Variants in PRKAA2 observed in about 807,000 individuals in gnomAD.
The protein encoded by PRKAA2 is protein kinase AMP-activated catalytic subunit alpha 2.
PRKAA2 carries 40 observed loss-of-function variants against 56.3 expected under a neutral mutation model. That is an observed-to-expected ratio of 0.71 (90% CI 0.55 to 0.92). The LOEUF is 0.92. Among genes scored for constraint, PRKAA2 ranks in the 40% least tolerant of loss-of-function variants. PRKAA2 has a pLI of 0.00. For synonymous variants in PRKAA2, 214 were observed against 234.2 expected (o/e 0.91, Z 0.79); for missense variants, 542 against 686.9 (o/e 0.79, Z 2.36).
Position 56,710,424 on chromosome 1 carries a change from A to G in PRKAA2, c.*2711A>G, listed in dbSNP as rs1045422932. The G allele has an allele frequency of 6.6e-6, 1 of 152,150 alleles. No individual in the cohort carries two copies. The highest frequency in any genetic ancestry group is 1.5e-5 in the Non-Finnish European group (1 of 67,990). 9.4% of individuals were successfully genotyped at this position (152,150 alleles called of 1,614,324 possible). A position where few individuals can be genotyped will look rare whatever the true frequency, so the allele number is the denominator to read the frequency against. On this transcript the variant is annotated 3_prime_UTR_variant, in exon 9 of 9. Transcript: ENST00000371244. ...CTTTCTGTGAAAAAAAGAAAGCCAC[A>G]TAACTTTGTTGAACTTTGCCCAAAT...
intron 1 of PRKAA2, among the ~76,000 whole-genome samples, chr1:56,663,657 G>T (rs568510290): frequency 6.6e-6 from 1 of 152,172 alleles, no homozygotes; most frequent in South Asian, 2.1e-4. Flanking sequence ...AACTTTTTAG[G>T]CAGAGTTGTG....
intron 1 of PRKAA2, among the ~76,000 whole-genome samples, chr1:56,665,177 G>A (rs1164929225): frequency 1.3e-5 from 2 of 151,022 alleles, no homozygotes; most frequent in African/African-American, 2.4e-5. Flanking sequence ...CGGTTCAAAC[G>A]ATTCTCCTGC....
Position 56,665,568 on chromosome 1 carries a change from G to T in PRKAA2, c.95-8813G>T, listed in dbSNP as rs980901158. On this transcript the variant is annotated intron_variant, in intron 1 of 8. Coordinates refer to ENST00000371244, the MANE Select transcript of PRKAA2 (RefSeq NM_006252.4). ...GGGAGTGAAATCACTGAGTCATAGA[G>T]TATATACATGTTCAGTTTTAGTAGT... 2.0e-5 allele frequency among the ~76,000 whole-genome samples: 3 copies of T among 152,128 alleles called. No individual in the cohort carries two copies. The South Asian group carries it at 6.2e-4, about 32-fold the overall frequency.
intron 4 of PRKAA2, among the ~76,000 whole-genome samples, 159 bp from the exon 5 acceptor site, chr1:56,693,606 G>A (rs921592886): frequency 4.6e-5 from 7 of 151,516 alleles, no homozygotes; most frequent in Non-Finnish European, 7.4e-5. Flanking sequence ...ACTCTGAGAC[G>A]GTCTCTTTCC....
Position 56,649,212 on chromosome 1 carries a change from A to G in PRKAA2, c.94+3731A>G, listed in dbSNP as rs191206317. Among the ~76,000 whole-genome samples the G allele has an allele frequency of 1.3e-3, 198 of 152,314 alleles. 1 individual carries two copies. Among genetic ancestry groups the G allele is most frequent in the Non-Finnish European group, 1.8e-3 (120 of 68,016 alleles). On this transcript the variant is annotated intron_variant, in intron 1 of 8. Transcript: ENST00000371244. ...GCCCTGATGTTTAACTATGTGATCT[A>G]TTTTGAGTTAATTCTTATGTATGGT...
chr1:56,666,086 T>A (rs899794514), intron 1 of PRKAA2, among the ~76,000 whole-genome samples: 2 of 152,234 alleles, frequency 1.3e-5, no homozygotes, highest in Non-Finnish European at 2.9e-5. Flanking sequence ...CAAACTTACA[T>A]ACACCTCATA....
chr1:56,672,127 A>AT (rs1214527266), intron 1 of PRKAA2, among the ~76,000 whole-genome samples: 1 of 151,770 alleles, frequency 6.6e-6, no homozygotes, highest in Non-Finnish European at 1.5e-5. Flanking sequence ...TTTGTTTTTC[A>AT]TTTTTTTAGA....
intron 1 of PRKAA2, among the ~76,000 whole-genome samples, chr1:56,670,742 C>T (rs1030037837): frequency 6.6e-6 from 1 of 152,164 alleles, no homozygotes; most frequent in Admixed American, 6.5e-5. Context: ...TTTCTAATTG[C>T]TCCTGTCAAA....
At position 56,707,831 on chromosome 1, in the gene PRKAA2, C is replaced by A; in HGVS notation, c.*118C>A. 1.1e-6 allele frequency: 1 copy of A among 937,422 alleles called. No homozygotes were observed. The highest frequency in any genetic ancestry group is 1.6e-6 in the Non-Finnish European group (1 of 620,208). The allele number at this position is 937,422 out of a possible 1,614,324, so 58.1% of individuals were successfully genotyped here. Reference sequence around the variant, plus strand: ...CTAATTGAGAAACATGAATTATTTCCAGGGGCACACAATGCTATTGAAATT... The same window carrying A: ...CTAATTGAGAAACATGAATTATTTCAAGGGGCACACAATGCTATTGAAATT... On this transcript the variant is annotated 3_prime_UTR_variant, in exon 9 of 9. Transcript: ENST00000371244.
chr1:56,660,062 T>G (rs1308109383), intron 1 of PRKAA2, among the ~76,000 whole-genome samples: 1 of 152,250 alleles, frequency 6.6e-6, no homozygotes, highest in African/African-American at 2.4e-5. Flanking sequence ...GCTTTCTTCA[T>G]GTATCATCAT....
intron 6 of PRKAA2, among the ~76,000 whole-genome samples, chr1:56,700,004 T>G (rs1237258296): frequency 2.0e-5 from 3 of 152,256 alleles, no homozygotes; most frequent in Non-Finnish European, 4.4e-5. Context: ...TAACGAAGAT[T>G]GAATTGTTTC....
At chr1:56,668,875 A>G (rs1644055344) in intron 1 of PRKAA2, among the ~76,000 whole-genome samples, 1 of 152,220 alleles carries the variant, frequency 6.6e-6, no homozygotes, top group Non-Finnish European at 1.5e-5. Context: ...TTATACCTGT[A>G]TAACACAGCT....
Position 56,712,490 on chromosome 1 carries a change from T to C in PRKAA2, c.*4777T>C, listed in dbSNP as rs1017697092. The C allele has an allele frequency of 1.3e-5, 2 of 152,232 alleles. No individual in the cohort carries two copies. Among genetic ancestry groups the C allele is most frequent in the South Asian group, 2.1e-4 (1 of 4,832 alleles). 9.4% of individuals were successfully genotyped at this position (152,232 alleles called of 1,614,324 possible). The stretch of plus-strand genomic sequence containing the variant: ...AGTTATTGAGGGTGCTTAAAAATGC[T>C]GAAGAAACTTTAAAACATGATTCTT... On this transcript the variant is annotated 3_prime_UTR_variant, in exon 9 of 9. Transcript: ENST00000371244.
intron 6 of PRKAA2, among the ~76,000 whole-genome samples, chr1:56,699,742 C>T (rs1019200076): frequency 2.6e-5 from 4 of 152,244 alleles, no homozygotes; most frequent in Non-Finnish European, 5.9e-5. Flanking sequence ...ACTATACACA[C>T]TAATAGTCAC....
At chr1:56,691,319 A>G in intron 2 of PRKAA2, 75 bp from the exon 3 acceptor site, 7 of 915,410 alleles carry the variant, frequency 7.6e-6, no homozygotes, top group Non-Finnish European at 1.2e-5. Flanking sequence ...ATAAAATTGT[A>G]GCAAGAGTAG....
chr1:56,646,962 T>C (rs1646648011), intron 1 of PRKAA2, among the ~76,000 whole-genome samples: 1 of 152,182 alleles, frequency 6.6e-6, no homozygotes, highest in Non-Finnish European at 1.5e-5. Flanking sequence ...AATCAGAATA[T>C]ATATGTAAAA....
At chr1:56,687,281 C>CAATA (rs1261094490) in intron 2 of PRKAA2, among the ~76,000 whole-genome samples, 1 of 151,984 alleles carries the variant, frequency 6.6e-6, no homozygotes, top group African/African-American at 2.4e-5. Context: ...GATTGAATCT[C>CAATA]AATAAAATAA....
intron 1 of PRKAA2, among the ~76,000 whole-genome samples, chr1:56,651,706 A>G (rs1051025767): frequency 6.6e-6 from 1 of 152,156 alleles, no homozygotes; most frequent in Non-Finnish European, 1.5e-5. Context: ...ATTAAAATTT[A>G]TATTTTTACT....
At chr1:56,655,281 T>TATATATATATATATA (rs1553146924) in intron 1 of PRKAA2, among the ~76,000 whole-genome samples, 14 of 77,080 alleles carry the variant, frequency 1.8e-4, no homozygotes, top group African/African-American at 3.8e-4. Context: ...TATATATATA[T>TATATATATATATATA]TTTTTTTTTT....
Sources: allele counts gnomAD v4.1 joint callset (sites outside exome capture counted in the v4.1 genomes callset), GRCh38; gene constraint gnomAD v4.1.1; transcripts MANE v1.5; gene names NCBI Gene and HGNC (gene_info 2026-07-23, HGNC 2026-07-21).